Variants in PSD observed in about 807,000 individuals in gnomAD.
The protein encoded by PSD is PH and SEC7 domain-containing protein 1.
A neutral mutation model predicts 91.6 loss-of-function variants in PSD; 32 were observed. That is an observed-to-expected ratio of 0.35 (90% CI 0.26 to 0.47). The LOEUF (loss-of-function observed/expected upper bound fraction) is 0.47, where lower values mean the gene tolerates loss of function less well. PSD is among the 20% of genes least tolerant of loss of function. PSD has a pLI of 1.00. For synonymous variants in PSD, 532 were observed against 569.3 expected, an observed-to-expected ratio of 0.93 and a Z score of 0.93; for missense variants, 1,099 against 1,373.9, an observed-to-expected ratio of 0.80 and a Z score of 3.16.
intron 1 of PSD, among the ~76,000 whole-genome samples, chr10:102,417,586 G>A (rs1161048976): frequency 6.6e-6 from 1 of 152,106 alleles, no homozygotes; most frequent in Non-Finnish European, 1.5e-5. Context: ...GAGGGAAGAG[G>A]AACAGGTGTT....
Position 102,407,227 on chromosome 10 carries a change from C to A in PSD, c.2131G>T (p.Ala711Ser). The A allele has an allele frequency of 6.2e-7, 1 of 1,602,850 alleles. No individual in the cohort carries two copies. Among genetic ancestry groups the A allele is most frequent in the South Asian group, 1.1e-5 (1 of 89,234 alleles). ...SSIKNEKLQW[A>S]IDEEELRRSL... ...CCACGCAGCCCCGGGACTCACATGG[C>A]CCACTGCAGCTTCTCATTCTTGATG... The change falls in exon 11 of 17, where the codon GCC (alanine) becomes TCC (serine). Residue 711 changes from alanine (A) to serine (S), a missense_variant. Transcript: ENST00000020673.
chr10:102,416,267 G>A lies in PSD; in HGVS notation c.654+118C>T, dbSNP rs938288696. On this transcript the variant is annotated intron_variant, in intron 2 of 16. Transcript: ENST00000020673. The surrounding 1 kb of genome is among the most constrained non-coding windows in gnomAD (Gnocchi z 6.0). The stretch of plus-strand genomic sequence containing the variant: ...AGACAAACACAGAGGGCAAGAGAGA[G>A]GCAGATTTAGAACAGATTAAAGGAT... The A allele has an allele frequency of 1.5e-6, 2 of 1,313,932 alleles. No homozygotes were observed. The highest frequency in any genetic ancestry group is 2.9e-5 in the African/African-American group (2 of 67,832). The allele number at this position is 1,313,932 out of a possible 1,614,324, so 81.4% of individuals were successfully genotyped here. A position where few individuals can be genotyped will look rare whatever the true frequency, so the allele number is the denominator to read the frequency against.
chr10:102,412,221 G>A lies in PSD; in HGVS notation c.1755C>T (p.Asp585=). 1.9e-6 allele frequency: 3 copies of A among 1,614,192 alleles called. No homozygotes were observed. Among genetic ancestry groups the A allele is most frequent in the Non-Finnish European group, 2.5e-6 (3 of 1,180,020 alleles). Residue 585 remains aspartate (D), a synonymous_variant, in exon 7 of 17, where the codon GAC becomes GAT. Transcript: ENST00000020673. Reference sequence around the variant, plus strand: ...ACTCCCCAGCCACCAGTTTGCTGAAGTCATTGCTGTGGGCAGGGCAGAGAG... The same window carrying A: ...ACTCCCCAGCCACCAGTTTGCTGAAATCATTGCTGTGGGCAGGGCAGAGAG... ...DVARHLGKNN[D]FSKLVAGEYL...
At position 102,416,873 on chromosome 10, in the gene PSD, G is replaced by A. The variant is rs2061487773; in HGVS notation, c.166C>T (p.Arg56Ter). 1.2e-6 allele frequency: 2 copies of A among 1,600,800 alleles called. No individual in the cohort carries two copies. The highest frequency in any genetic ancestry group is 1.7e-6 in the Non-Finnish European group (2 of 1,174,946). Residue 56 changes from arginine (R) to a stop codon, truncating the protein, a stop_gained, in exon 2 of 17, where the codon CGA becomes TGA. Coordinates refer to ENST00000020673, the MANE Select transcript of PSD (RefSeq NM_002779.5). LOFTEE classifies it high-confidence loss of function. This position sits in a 1 kb window ranked among gnomAD's most constrained non-coding sequence, Gnocchi z 6.0. Reference sequence around the variant, plus strand: ...GTCACACGTCCCAGTTCCCGGCCTCGAGGACCTGGACCTGCCACTCGCCGT... The same window carrying A: ...GTCACACGTCCCAGTTCCCGGCCTCAAGGACCTGGACCTGCCACTCGCCGT... ...LLRRVAGPGPRGRELGRVTAP... is the reference protein window; with the variant it reads ...LLRRVAGPGP
At position 102,403,070 on chromosome 10, in the gene PSD, A is replaced by G; in HGVS notation, c.*130T>C. The stretch of plus-strand genomic sequence containing the variant: ...AGGCCCCAGCCCTGCCCTGCCCCGG[A>G]CACCGCGTCCGGCGCGGTCGGGCCC... On this transcript the variant is annotated 3_prime_UTR_variant, in exon 17 of 17. Transcript: ENST00000020673. This position sits in a 1 kb window ranked among gnomAD's most constrained non-coding sequence, Gnocchi z 6.7. 1 of 638,848 alleles carries G rather than the reference A, an allele frequency of 1.6e-6. No homozygotes were observed. The allele number at this position is 638,848 out of a possible 1,614,324, so 39.6% of individuals were successfully genotyped here.
In PSD at chr10:102,409,653, C is replaced by T. The variant is rs2061405165; in HGVS notation, c.2091+1205G>A. Among the ~76,000 whole-genome samples, 1 of 152,074 alleles carries T rather than the reference C, an allele frequency of 6.6e-6. No homozygotes were observed. Reference sequence around the variant, plus strand: ...CTCATCCAGCTCACCCGCAGATACCCCACCCATATATAGATCTGAAGTCAC... The same window carrying T: ...CTCATCCAGCTCACCCGCAGATACCTCACCCATATATAGATCTGAAGTCAC... On this transcript the variant is annotated intron_variant, in intron 10 of 16. Transcript: ENST00000020673. This position sits in a 1 kb window ranked among gnomAD's most constrained non-coding sequence, Gnocchi z 5.7.
rs746013502 is a variant in PSD at position 102,413,862 on chromosome 10, GCCT to G, written c.1457_1459del (p.Glu486del). On this transcript the variant is annotated inframe_deletion, in exon 5 of 17. Transcript: ENST00000020673. The stretch of plus-strand genomic sequence containing the variant: ...TGGGGCCAGCTTGGCTCTGGCCTCT[GCCT>G]CCTCCTCCTCCCCTCTCTGTGTCCA... 2.5e-6 allele frequency: 4 copies of G among 1,613,860 alleles called. No individual in the cohort carries two copies. The highest frequency in any genetic ancestry group is 3.3e-5 in the Admixed American group (2 of 60,014).
chr10:102,415,346 A>ACAC, intron 3 of PSD, 117 bp from the exon 4 acceptor site: 2 of 1,246,942 alleles, frequency 1.6e-6, no homozygotes, highest in East Asian at 2.5e-5. Context: ...TTCACTGTCT[A>ACAC]GCCACCATTC....
rs1443000400 is a variant in PSD at position 102,405,555 on chromosome 10, CAG to C, written c.2136-21_2136-20del. ...CTCGTCTCTGCAGGTGTGATCACCT[CAG>C]AGGGGGCTGGCCATGGAGCCGCGGC... On this transcript the variant is annotated intron_variant, in intron 11 of 16. Transcript: ENST00000020673. This position sits in a 1 kb window ranked among gnomAD's most constrained non-coding sequence, Gnocchi z 5.4. 6.3e-7 allele frequency: 1 copy of C among 1,591,922 alleles called. No individual in the cohort carries two copies. The highest frequency in any genetic ancestry group is 8.6e-7 in the Non-Finnish European group (1 of 1,164,126).
rs571176471 is a variant in PSD, at chr10:102,413,948, G to A, written c.1374C>T (p.Pro458=). 64 of 1,614,000 alleles carry A rather than the reference G, an allele frequency of 4.0e-5. No homozygotes were observed. In the South Asian group the frequency reaches 5.4e-4, roughly 14 times the overall value. The change falls in exon 5 of 17, where the codon CCC becomes CCT. Residue 458 remains proline, a synonymous_variant. Transcript: ENST00000020673. ...CCGGTTCAAGAGGGGCAAGTGGGGC[G>A]GGAGCTGGTGGGTCGGGCCGGGGTG... ...PPAPRPDPPA[P]APLAPLEPDS...
In PSD at chr10:102,405,176, C is replaced by G. The variant is rs757070066; in HGVS notation, c.2397+7G>C. 12 of 1,610,836 alleles carry G rather than the reference C, an allele frequency of 7.4e-6. No individual in the cohort carries two copies. Reference sequence around the variant, plus strand: ...CCCAGCCCCAGCCCCCTGGCCTGACCCCGCACCTTCTGCAGGTAGAGGATC... The same window carrying G: ...CCCAGCCCCAGCCCCCTGGCCTGACGCCGCACCTTCTGCAGGTAGAGGATC... On this transcript the variant is annotated splice_region_variant and intron_variant, in intron 13 of 16. Transcript: ENST00000020673. The surrounding 1 kb of genome is among the most constrained non-coding windows in gnomAD (Gnocchi z 5.4).
intron 11 of PSD, 104 bp downstream of exon 11, chr10:102,407,119 C>G (rs1214793960): frequency 9.5e-7 from 1 of 1,057,032 alleles, no homozygotes; most frequent in African/African-American, 1.7e-5. Flanking sequence ...CTCTCACTCC[C>G]CTCCCCTACC....
At chr10:102,415,964 C>T in intron 3 of PSD, 53 bp downstream of exon 3, 1 of 1,408,822 alleles carries the variant, frequency 7.1e-7, no homozygotes, top group South Asian at 1.2e-5. Context: ...TGAGCCTCAG[C>T]TGCTGTGGGG....
chr10:102,413,064 CT>C (rs1336023812), intron 5 of PSD, among the ~76,000 whole-genome samples: 7 of 152,198 alleles, frequency 4.6e-5, no homozygotes, highest in Non-Finnish European at 1.0e-4. Flanking sequence ...GGTGCTCCCC[CT>C]CTGCCCACAC....
chr10:102,405,934 A>T lies in PSD; in HGVS notation c.2136-398T>A. On this transcript the variant is annotated intron_variant, in intron 11 of 16. Transcript: ENST00000020673. The surrounding 1 kb of genome is among the most constrained non-coding windows in gnomAD (Gnocchi z 5.4). ...TGGGCTAAATGGTAGCAGATGGAAG[A>T]AGTAGTTTCCTAGTGCCGCCCCCAC... 5.2e-6 allele frequency: 1 copy of T among 192,102 alleles called. No individual in the cohort carries two copies. The allele number at this position is 192,102 out of a possible 1,614,324, so 11.9% of individuals were successfully genotyped here.
intron 10 of PSD, among the ~76,000 whole-genome samples, chr10:102,407,888 C>G (rs185455974): frequency 1.3e-5 from 2 of 152,270 alleles, no homozygotes; most frequent in Admixed American, 1.3e-4. Flanking sequence ...CCCACGTGCA[C>G]ACTTTGTCAC....
Position 102,405,532 on chromosome 10 carries a change from C to T in PSD, c.2140G>A (p.Glu714Lys), listed in dbSNP as rs1017723875. 2 of 1,612,610 alleles carry T rather than the reference C, an allele frequency of 1.2e-6. No individual in the cohort carries two copies. The highest frequency in any genetic ancestry group is 2.7e-5 in the African/African-American group (2 of 75,024). Reference protein sequence around the residue: ...KNEKLQWAIDEEELRRSLSEL... With the variant: ...KNEKLQWAIDKEELRRSLSEL... ...GACAGAGAGCGTCTCAGCTCCTCCT[C>T]GTCTCTGCAGGTGTGATCACCTCAG... The change falls in exon 12 of 17, where the codon GAG (glutamate) becomes AAG (lysine). Residue 714 changes from glutamate (E) to lysine (K), a missense_variant. Glu to Lys is a moderately conservative substitution (Grantham distance 56). Transcript: ENST00000020673. The surrounding 1 kb of genome is among the most constrained non-coding windows in gnomAD (Gnocchi z 5.4).
chr10:102,411,684 C>A (rs1187167567), intron 8 of PSD, 23 bp downstream of exon 8: 2 of 1,589,778 alleles, frequency 1.3e-6, no homozygotes, highest in Non-Finnish European at 1.7e-6. Flanking sequence ...GCTAAGGACA[C>A]CCCTGCTCTC....
upstream of PSD, chr10:102,418,830 GCGC>G (rs927815878): frequency 2.1e-4 from 47 of 226,016 alleles, no homozygotes; most frequent in Non-Finnish European, 3.6e-4. Context: ...TACCCCCTAC[GCGC>G]CGCTCAGGCA....
Sources: allele counts gnomAD v4.1 joint callset (sites outside exome capture counted in the v4.1 genomes callset), GRCh38; gene constraint gnomAD v4.1.1; non-coding constraint Gnocchi (gnomAD v3.1); transcripts MANE v1.5; gene names NCBI Gene and HGNC (gene_info 2026-07-23, HGNC 2026-07-21).